KAZN: variants seen among roughly 807,000 people sequenced by gnomAD.
KAZN encodes kazrin.
In KAZN, 40 loss-of-function variants were observed where a neutral mutation model predicts 87.4. That is an observed-to-expected ratio of 0.46 (90% CI 0.36 to 0.60). KAZN has a LOEUF of 0.60. Ranked by LOEUF, KAZN falls within the 20% of genes least tolerant of loss-of-function variation. The pLI is 0.00. For missense variants in KAZN, 898 were observed against 1,073.9 expected (o/e 0.84, Z 2.29); for synonymous variants, 466 against 458.3 (o/e 1.02, Z -0.22).
chr1:14,182,059 G>C (rs1646210311), intron 2 of KAZN, among the ~76,000 whole-genome samples: 1 of 151,884 alleles, frequency 6.6e-6, no homozygotes, highest in South Asian at 2.1e-4. Context: ...TAATTCATTA[G>C]AGAGCCTTCA....
At chr1:13,962,716 C>T (rs1230523777) in intron 1 of KAZN, among the ~76,000 whole-genome samples, 1 of 152,100 alleles carries the variant, frequency 6.6e-6, no homozygotes, top group African/African-American at 2.4e-5. Context: ...CACCACCACG[C>T]CTGGCTAAGT....
intron 1 of KAZN, among the ~76,000 whole-genome samples, chr1:14,080,577 T>C (rs1643635698): frequency 6.6e-6 from 1 of 152,248 alleles, no homozygotes; most frequent in African/African-American, 2.4e-5. Context: ...GAGGGTGACA[T>C]ACCAGGCTCC....
intron 1 of KAZN, among the ~76,000 whole-genome samples, chr1:14,758,983 A>C (rs1431789716): frequency 1.3e-5 from 2 of 152,202 alleles, no homozygotes; most frequent in African/African-American, 4.8e-5. Flanking sequence ...AGAGAGAGGC[A>C]GACTTTATTC....
At chr1:14,273,554 A>G (rs1652115947) in intron 2 of KAZN, among the ~76,000 whole-genome samples, 1 of 152,212 alleles carries the variant, frequency 6.6e-6, no homozygotes, top group Admixed American at 6.5e-5. Flanking sequence ...TAAAAAAAAT[A>G]TACAGTTTAT....
rs191731562 is a variant in KAZN at position 14,199,559 on chromosome 1, A to C, written c.249+18967A>C. On this transcript the variant is annotated intron_variant, in intron 2 of 16. Coordinates refer to the KAZN transcript ENST00000636203. ...GCTGGGTTGCACCCTCCTTGAGTGC[A>C]GGGCCCAGGTCTGTCTTGTTCACCT... Among the ~76,000 whole-genome samples the C allele has an allele frequency of 2.5e-3, 388 of 152,350 alleles. 2 individuals are homozygous for C. The Middle Eastern group carries it at 0.031, about 12-fold the overall frequency.
At position 14,171,807 on chromosome 1, in the gene KAZN, A is replaced by G. The variant is rs78635536; in HGVS notation, c.92-8628A>G. On this transcript the variant is annotated intron_variant, in intron 1 of 16. Coordinates refer to the KAZN transcript ENST00000636203. The stretch of plus-strand genomic sequence containing the variant: ...CATCTGGACTCATCTACATAAAAAG[A>G]GTTTAGGGTCATATTATTATTATTT... Among the ~76,000 whole-genome samples the G allele has an allele frequency of 8.3e-4, 126 of 152,280 alleles. No individual in the cohort carries two copies. In the East Asian group the frequency reaches 0.018, roughly 22 times the overall value.
At chr1:14,837,082 A>G (rs947810040) in intron 1 of KAZN, among the ~76,000 whole-genome samples, 1 of 152,148 alleles carries the variant, frequency 6.6e-6, no homozygotes, top group Admixed American at 6.5e-5. Flanking sequence ...TGTGTTTATA[A>G]ATCTCTAGAT....
chr1:14,072,092 A>C (rs895646753), intron 1 of KAZN, among the ~76,000 whole-genome samples: 2 of 152,176 alleles, frequency 1.3e-5, no homozygotes, highest in East Asian at 3.9e-4. Flanking sequence ...TGATCTCTTC[A>C]TGCCTCTGTA....
At chr1:14,123,260 CT>C (rs1045320333) in intron 1 of KAZN, among the ~76,000 whole-genome samples, 8 of 151,746 alleles carry the variant, frequency 5.3e-5, no homozygotes, top group South Asian at 2.1e-4. Flanking sequence ...AGAGGCATGA[CT>C]TTTTTTTTAA....
chr1:15,035,052 C>T (rs1047726698), intron 3 of KAZN, among the ~76,000 whole-genome samples, 167 bp downstream of exon 3: 1 of 151,982 alleles, frequency 6.6e-6, no homozygotes, highest in South Asian at 2.1e-4. Context: ...CGGCACAACC[C>T]CCGGAGAGGG....
chr1:14,902,375 G>A (rs1158799420), intron 1 of KAZN, among the ~76,000 whole-genome samples: 1 of 151,962 alleles, frequency 6.6e-6, no homozygotes, highest in Non-Finnish European at 1.5e-5. Context: ...ATAGGCACCC[G>A]CCACCACACC....
chr1:14,347,215 C>A (rs545850103), intron 2 of KAZN, among the ~76,000 whole-genome samples: 2 of 152,192 alleles, frequency 1.3e-5, no homozygotes, highest in African/African-American at 4.8e-5. Context: ...AGGGCTATCA[C>A]GTAGATTGTT....
chr1:14,677,491 T>C (rs1186095003), intron 1 of KAZN, among the ~76,000 whole-genome samples: 1 of 152,010 alleles, frequency 6.6e-6, no homozygotes, highest in Non-Finnish European at 1.5e-5. Flanking sequence ...CTTTGGCCTG[T>C]GGGGTAAGAG....
intron 1 of KAZN, among the ~76,000 whole-genome samples, chr1:14,053,825 T>C (rs768945439): frequency 2.6e-5 from 4 of 152,212 alleles, no homozygotes; most frequent in Non-Finnish European, 5.9e-5. Flanking sequence ...CTAATAGCTT[T>C]CTACTGTCTG....
intron 1 of KAZN, among the ~76,000 whole-genome samples, chr1:14,842,951 A>G (rs1289855097): frequency 6.6e-6 from 1 of 152,010 alleles, no homozygotes; most frequent in Non-Finnish European, 1.5e-5. Context: ...TGATTGGTAT[A>G]TTGCTGTTTC....
intron 1 of KAZN, among the ~76,000 whole-genome samples, chr1:14,858,202 T>C (rs1650365458): frequency 8.0e-6 from 1 of 125,004 alleles, no homozygotes; most frequent in African/African-American, 3.6e-5. Flanking sequence ...TTTTCTTTTT[T>C]CTTTTTCTTT....
chr1:15,060,209 T>C lies in KAZN; in HGVS notation c.954T>C (p.Ser318=). 1 of 1,614,236 alleles carries C rather than the reference T, an allele frequency of 6.2e-7. No individual in the cohort carries two copies. The highest frequency in any genetic ancestry group is 8.5e-7 in the Non-Finnish European group (1 of 1,180,036). ...RVSPCHSRQP[S]VISDASAAEG... ...GCCCCTGCCACTCCCGGCAGCCCTC[T>C]GTCATCTCCGACGCATCTGCCGCCG... Residue 318 remains serine (S), a synonymous_variant, in exon 6 of 15, where the codon TCT becomes TCC. Transcript: ENST00000376030.
At position 15,058,105 on chromosome 1, in the gene KAZN, T is replaced by G. The variant is rs113229368; in HGVS notation, c.916+1825T>G. The stretch of plus-strand genomic sequence containing the variant: ...TAAAGTTGGGTGCTCACCTGCGTCA[T>G]AGCACCTCTTACCCTACCTCGGGTT... On this transcript the variant is annotated intron_variant, in intron 5 of 14. Coordinates refer to ENST00000376030, the MANE Select transcript of KAZN (RefSeq NM_201628.3). Among the ~76,000 whole-genome samples the G allele has an allele frequency of 8.4e-3, 1,279 of 152,352 alleles. 16 individuals are homozygous for G. Among genetic ancestry groups the G allele is most frequent in the South Asian group, 0.042 (205 of 4,832 alleles).
At chr1:14,577,447 G>A (rs772890502) in intron 2 of KAZN, among the ~76,000 whole-genome samples, 1 of 152,166 alleles carries the variant, frequency 6.6e-6, no homozygotes, top group Non-Finnish European at 1.5e-5. Context: ...ACTAATCAAA[G>A]AGGGTGGCAA....
Sources: allele counts gnomAD v4.1 joint callset (sites outside exome capture counted in the v4.1 genomes callset), GRCh38; gene constraint gnomAD v4.1.1; transcripts MANE v1.5; gene names NCBI Gene and HGNC (gene_info 2026-07-23, HGNC 2026-07-21).